Variants in LRP1B observed in about 807,000 individuals in gnomAD.
The protein encoded by LRP1B is LDL receptor related protein 1B, also known as low-density lipoprotein receptor-related protein 1B.
In LRP1B, 217 loss-of-function variants were observed where a neutral mutation model predicts 556.6. The observed-to-expected ratio is 0.39, with a 90% CI of 0.35 to 0.44. The LOEUF (loss-of-function observed/expected upper bound fraction) is 0.44. Ranked by LOEUF, LRP1B falls within the 20% of genes least tolerant of loss-of-function variation. The pLI is 1.00. For missense variants in LRP1B, 5,053 were observed against 5,620.8 expected (o/e 0.90, Z 3.23); for synonymous variants, 2,047 against 1,865.8 (o/e 1.10, Z -2.50).
intron 5 of LRP1B, among the ~76,000 whole-genome samples, chr2:141,239,661 C>G (rs572011430): frequency 2.0e-5 from 3 of 151,950 alleles, no homozygotes; most frequent in East Asian, 3.9e-4. Flanking sequence ...GAAGATGGAG[C>G]GATTAGTTCT....
At chr2:140,835,651 C>A (rs1309477523) in intron 31 of LRP1B, among the ~76,000 whole-genome samples, 1 of 152,156 alleles carries the variant, frequency 6.6e-6, no homozygotes, top group Non-Finnish European at 1.5e-5. Context: ...GATTCTCCTG[C>A]CTCAGCCTCC....
intron 31 of LRP1B, among the ~76,000 whole-genome samples, chr2:140,836,261 T>A (rs1691899248): frequency 6.6e-6 from 1 of 152,192 alleles, no homozygotes; most frequent in Non-Finnish European, 1.5e-5. Flanking sequence ...TATACTATTA[T>A]CTCCATTGTA....
chr2:141,762,762 A>AGAAATTCT (rs1434179148), intron 2 of LRP1B, among the ~76,000 whole-genome samples: 1 of 152,156 alleles, frequency 6.6e-6, no homozygotes, highest in Non-Finnish European at 1.5e-5. Flanking sequence ...GTTTTTCTTT[A>AGAAATTCT]AGTTCTCTTC....
At chr2:141,776,732 G>A (rs1188440338) in intron 2 of LRP1B, among the ~76,000 whole-genome samples, 2 of 152,140 alleles carry the variant, frequency 1.3e-5, no homozygotes, top group East Asian at 3.9e-4. Context: ...TATCTAGAGG[G>A]ATGGTAAGAA....
intron 3 of LRP1B, among the ~76,000 whole-genome samples, chr2:141,296,810 A>T (rs2679454): frequency 2.0e-5 from 3 of 152,072 alleles, no homozygotes; most frequent in Non-Finnish European, 4.4e-5. Context: ...AAATGTTCCC[A>T]TTACCCAGGT....
intron 7 of LRP1B, among the ~76,000 whole-genome samples, chr2:141,081,479 T>C (rs994057998): frequency 2.6e-5 from 4 of 152,212 alleles, no homozygotes; most frequent in Non-Finnish European, 5.9e-5. Flanking sequence ...TCGTGTTTCA[T>C]AGGGTGCTCT....
intron 1 of LRP1B, among the ~76,000 whole-genome samples, chr2:141,854,509 A>G (rs1304741557): frequency 1.3e-5 from 2 of 152,112 alleles, no homozygotes; most frequent in East Asian, 1.9e-4. Flanking sequence ...AACTAAACGC[A>G]GGCACATCAT....
At position 141,141,123 on chromosome 2, in the gene LRP1B, G is replaced by A. The variant is rs189774204; in HGVS notation, c.1013+47298C>T. The stretch of plus-strand genomic sequence containing the variant: ...ATTGTAAAAATGCATTAATTAAAAC[G>A]TCTGAAACATTTTGTTATTTGGTTA... On this transcript the variant is annotated intron_variant, in intron 7 of 90. Transcript: ENST00000389484. 1.2e-3 allele frequency among the ~76,000 whole-genome samples: 182 copies of A among 152,106 alleles called. 1 individual carries two copies. Among genetic ancestry groups the A allele is most frequent in the East Asian group, 2.1e-3 (11 of 5,170 alleles).
chr2:140,510,919 A>G (rs1689624499), intron 51 of LRP1B, among the ~76,000 whole-genome samples: 1 of 152,152 alleles, frequency 6.6e-6, no homozygotes, highest in South Asian at 2.1e-4. Flanking sequence ...GTGCAGTTAC[A>G]TACAATGAAT....
At chr2:140,536,140 A>G (rs149893186) in intron 46 of LRP1B, among the ~76,000 whole-genome samples, 10 of 151,872 alleles carry the variant, frequency 6.6e-5, no homozygotes, top group African/African-American at 2.4e-4. Context: ...ATTAGCTACT[A>G]CTTTGAAAAA....
intron 3 of LRP1B, among the ~76,000 whole-genome samples, chr2:141,420,490 A>T (rs1680096477): frequency 6.7e-6 from 1 of 148,858 alleles, no homozygotes; most frequent in South Asian, 2.2e-4. Flanking sequence ...ATTGGCAGCT[A>T]CTTTACCAAA....
intron 2 of LRP1B, among the ~76,000 whole-genome samples, chr2:141,588,603 G>A (rs1687220863): frequency 1.3e-5 from 2 of 152,032 alleles, no homozygotes; most frequent in South Asian, 4.1e-4. Context: ...TCCCTCCATG[G>A]GCTTCCGTTT....
intron 24 of LRP1B, among the ~76,000 whole-genome samples, 164 bp downstream of exon 24, chr2:140,885,974 G>A (rs572516611): frequency 1.3e-5 from 2 of 151,880 alleles, no homozygotes; most frequent in African/African-American, 4.8e-5. Flanking sequence ...CCCCCAACAG[G>A]TGCTCACACA....
chr2:140,743,570 T>C (rs191272063), intron 35 of LRP1B, among the ~76,000 whole-genome samples: 1 of 152,268 alleles, frequency 6.6e-6, no homozygotes, highest in Admixed American at 6.5e-5. Flanking sequence ...AAGGTTCTGA[T>C]GAGGATTAAA....
chr2:142,027,323 A>T (rs552127495), intron 1 of LRP1B, among the ~76,000 whole-genome samples: 2 of 151,532 alleles, frequency 1.3e-5, no homozygotes, highest in South Asian at 4.2e-4. Flanking sequence ...TCCAAATACT[A>T]TATTAGAATT....
chr2:140,606,164 C>T (rs922771811), intron 41 of LRP1B, among the ~76,000 whole-genome samples: 15 of 151,886 alleles, frequency 9.9e-5, no homozygotes, highest in Middle Eastern at 3.2e-3. Flanking sequence ...AATGTATACT[C>T]AGGATGCAGG....
At chr2:141,530,992 A>G (rs1324566075) in intron 2 of LRP1B, among the ~76,000 whole-genome samples, 1 of 151,810 alleles carries the variant, frequency 6.6e-6, no homozygotes, top group Non-Finnish European at 1.5e-5. Context: ...GGAGGCTATT[A>G]GTAAATTTTA....
chr2:142,019,298 A>ACACAC (rs1703253898), intron 1 of LRP1B, among the ~76,000 whole-genome samples: 1 of 152,318 alleles, frequency 6.6e-6, no homozygotes, highest in East Asian at 1.9e-4. Context: ...ACGTTAGTTC[A>ACACAC]GTAGTTTAGT....
At chr2:140,665,446 T>C (rs764868993) in intron 41 of LRP1B, among the ~76,000 whole-genome samples, 1 of 152,190 alleles carries the variant, frequency 6.6e-6, no homozygotes, top group African/African-American at 2.4e-5. Context: ...ATAATATTTG[T>C]AACTTCACAA....
Sources: allele counts gnomAD v4.1 joint callset (sites outside exome capture counted in the v4.1 genomes callset), GRCh38; gene constraint gnomAD v4.1.1; transcripts MANE v1.5; gene names NCBI Gene and HGNC (gene_info 2026-07-23, HGNC 2026-07-21).